Variants in ICA1 observed in about 807,000 individuals in gnomAD.
ICA1 encodes the protein 69 kDa islet cell autoantigen.
A neutral mutation model predicts 71.0 loss-of-function variants in ICA1; 40 were observed. The observed-to-expected ratio is 0.56, with a 90% CI of 0.44 to 0.73. The LOEUF (loss-of-function observed/expected upper bound fraction) is 0.73, where lower values mean the gene tolerates loss of function less well. Among genes scored for constraint, ICA1 ranks in the 30% least tolerant of loss-of-function variants. The pLI, the probability that ICA1 is intolerant of heterozygous loss-of-function variation, is 0.00. For missense variants in ICA1, 578 were observed against 576.5 expected (o/e 1.00, Z -0.03); for synonymous variants, 207 against 209.5 (o/e 0.99, Z 0.10).
chr7:8,197,354 A>G (rs1202043518), intron 6 of ICA1, among the ~76,000 whole-genome samples: 3 of 151,648 alleles, frequency 2.0e-5, no homozygotes, highest in Non-Finnish European at 2.9e-5. Flanking sequence ...GGACTTCAAG[A>G]CAAGCCTGGC....
chr7:8,157,924 A>C (rs1275285822), intron 7 of ICA1, among the ~76,000 whole-genome samples: 1 of 151,948 alleles, frequency 6.6e-6, no homozygotes, highest in Non-Finnish European at 1.5e-5. Flanking sequence ...TCCTGACCTC[A>C]AGTGATCCGC....
intron 10 of ICA1, among the ~76,000 whole-genome samples, chr7:8,141,084 G>A (rs762880551): frequency 6.6e-6 from 1 of 152,188 alleles, no homozygotes; most frequent in Non-Finnish European, 1.5e-5. Flanking sequence ...GAAGTGCTTG[G>A]TACTGTGTCA....
At chr7:8,218,578 T>C in intron 5 of ICA1, 75 bp from the exon 6 acceptor site, 1 of 1,210,136 alleles carries the variant, frequency 8.3e-7, no homozygotes, top group Non-Finnish European at 1.2e-6. Context: ...TCTGCCAATC[T>C]TAGACTCGTG....
rs534740633 is a variant in ICA1, at chr7:8,113,953, G to T, written c.1422C>A (p.Thr474=). The T allele has an allele frequency of 6.2e-7, 1 of 1,614,128 alleles. No homozygotes were observed. The highest frequency in any genetic ancestry group is 1.1e-5 in the South Asian group (1 of 91,080). ...PLSNPDAVGK[T]DKEHELLNA Reference sequence around the variant, plus strand: ...CATTGAGCAATTCGTGTTCTTTATCGGTTTTCCCAACAGCATCAGGATTTG... The same window carrying T: ...CATTGAGCAATTCGTGTTCTTTATCTGTTTTCCCAACAGCATCAGGATTTG... The change falls in exon 14 of 14, where the codon ACC becomes ACA. Residue 474 remains threonine, a synonymous_variant. Transcript: ENST00000402384. This position sits in a 1 kb window ranked among gnomAD's most constrained non-coding sequence, Gnocchi z 4.2.
chr7:8,255,147 A>T (rs971740885), intron 1 of ICA1, among the ~76,000 whole-genome samples: 4 of 151,544 alleles, frequency 2.6e-5, no homozygotes, highest in Non-Finnish European at 5.9e-5. Flanking sequence ...ATGTTAATCA[A>T]CCTCCCTTGG....
intron 6 of ICA1, among the ~76,000 whole-genome samples, chr7:8,205,926 C>A (rs1386302489): frequency 6.6e-6 from 1 of 152,204 alleles, no homozygotes; most frequent in Non-Finnish European, 1.5e-5. Flanking sequence ...GTGCTGCAAT[C>A]CAACTCGAAG....
intron 9 of ICA1, among the ~76,000 whole-genome samples, chr7:8,143,668 A>G (rs1297583982): frequency 1.3e-5 from 2 of 152,214 alleles, no homozygotes; most frequent in African/African-American, 4.8e-5. Context: ...AGTCCCCTGG[A>G]AACCGATCTC....
chr7:8,197,103 A>G (rs1787880509), intron 6 of ICA1, among the ~76,000 whole-genome samples: 1 of 151,974 alleles, frequency 6.6e-6, no homozygotes, highest in Non-Finnish European at 1.5e-5. Flanking sequence ...TCTACACATG[A>G]GCATTTAAAA....
At chr7:8,139,295 T>G (rs936473451) in intron 10 of ICA1, among the ~76,000 whole-genome samples, 2 of 152,218 alleles carry the variant, frequency 1.3e-5, no homozygotes, top group Non-Finnish European at 2.9e-5. Context: ...GATCTAACAA[T>G]TCTCCTTCCA....
chr7:8,202,359 G>A (rs1049404157), intron 6 of ICA1, among the ~76,000 whole-genome samples: 4 of 152,180 alleles, frequency 2.6e-5, no homozygotes, highest in Non-Finnish European at 4.4e-5. Context: ...CTGTGAAAAG[G>A]AGATCATAGT....
At chr7:8,202,898 G>A (rs12671374) in intron 6 of ICA1, among the ~76,000 whole-genome samples, 73,786 of 151,792 alleles carry the variant, frequency 0.49, 21,933 homozygotes, top group South Asian at 0.75. Flanking sequence ...GCAGAGGGGA[G>A]GATTCCTTTG....
intron 8 of ICA1, among the ~76,000 whole-genome samples, chr7:8,155,009 G>A (rs1048121643): frequency 3.3e-5 from 5 of 152,106 alleles, no homozygotes; most frequent in Admixed American, 2.6e-4. Context: ...AATTACTTTT[G>A]AACCAACCTG....
At chr7:8,125,013 T>G (rs138013824) in intron 13 of ICA1, among the ~76,000 whole-genome samples, 2,495 of 152,142 alleles carry the variant, frequency 0.016, 68 homozygotes, top group African/African-American at 0.055. Flanking sequence ...GGTCTCAAAC[T>G]CCTGACCTCA....
intron 6 of ICA1, among the ~76,000 whole-genome samples, chr7:8,164,438 G>T (rs1240393217): frequency 6.6e-6 from 1 of 152,054 alleles, no homozygotes; most frequent in Non-Finnish European, 1.5e-5. Flanking sequence ...AGGCAAAGCA[G>T]GCCCTGGTGA....
chr7:8,136,558 T>C (rs1484071180), intron 12 of ICA1, among the ~76,000 whole-genome samples: 2 of 152,302 alleles, frequency 1.3e-5, no homozygotes, highest in Admixed American at 1.3e-4. Flanking sequence ...GACGCTACCC[T>C]GTGGGTTGAC....
chr7:8,178,567 G>A (rs1036041280), intron 6 of ICA1, among the ~76,000 whole-genome samples: 1 of 150,244 alleles, frequency 6.7e-6, no homozygotes, highest in African/African-American at 2.4e-5. Context: ...CTGTCACTTG[G>A]TGTGGTCTTT....
At chr7:8,158,363 G>C (rs1359434109) in intron 7 of ICA1, 164 bp downstream of exon 7, 1 of 760,614 alleles carries the variant, frequency 1.3e-6, no homozygotes, top group African/African-American at 1.8e-5. Flanking sequence ...ATTTGGTTTG[G>C]TTAAACGTAG....
At chr7:8,182,027 C>T (rs950107152) in intron 6 of ICA1, among the ~76,000 whole-genome samples, 1 of 152,158 alleles carries the variant, frequency 6.6e-6, no homozygotes, top group African/African-American at 2.4e-5. Flanking sequence ...CTCAATGCTC[C>T]AGTCAATTCC....
chr7:8,171,530 C>G (rs1808342557), intron 6 of ICA1, among the ~76,000 whole-genome samples: 1 of 151,784 alleles, frequency 6.6e-6, no homozygotes, highest in African/African-American at 2.4e-5. Context: ...TCTTTTGTTT[C>G]TGACCAATCT....
Sources: gnomAD v4.1 joint callset for allele counts (sites outside exome capture counted in the v4.1 genomes callset) on GRCh38, gnomAD v4.1.1 for gene constraint, Gnocchi (gnomAD v3.1) non-coding constraint, MANE v1.5 for transcripts, NCBI Gene and HGNC (gene_info 2026-07-23, HGNC 2026-07-21) for gene names.